The following IQCH variants were observed in gnomAD, a reference collection of about 807,000 sequenced individuals.
IQCH encodes the protein IQ motif containing H.
IQCH carries 98 observed loss-of-function variants against 117.0 expected under a neutral mutation model. That is an observed-to-expected ratio of 0.84 (90% CI 0.71 to 0.99). The LOEUF is 0.99. Ranked by LOEUF, IQCH falls within the 50% of genes least tolerant of loss-of-function variation. IQCH has a pLI of 0.00. For missense variants in IQCH, 1,102 were observed against 1,243.8 expected (o/e 0.89, Z 1.72); for synonymous variants, 412 against 448.2 (o/e 0.92, Z 1.02).
At chr15:67,329,669 A>C (rs1053172469) in intron 4 of IQCH, among the ~76,000 whole-genome samples, 2 of 151,940 alleles carry the variant, frequency 1.3e-5, no homozygotes, top group African/African-American at 4.8e-5. Context: ...GGATCTCACT[A>C]TGTGGCTTAG....
chr15:67,377,124 A>AAAAAAAG (rs1706585416), intron 10 of IQCH, among the ~76,000 whole-genome samples: 1 of 150,202 alleles, frequency 6.7e-6, no homozygotes, highest in East Asian at 1.9e-4. Context: ...TCAAAAAAAA[A>AAAAAAAG]AAAAAAAGAA....
chr15:67,441,048 A>G (rs2082256217), intron 16 of IQCH, among the ~76,000 whole-genome samples: 1 of 148,796 alleles, frequency 6.7e-6, no homozygotes, highest in Non-Finnish European at 1.5e-5. Context: ...TACACAAATC[A>G]GTAGCTCTTC....
intron 6 of IQCH, among the ~76,000 whole-genome samples, chr15:67,348,388 C>G (rs1969504889): frequency 1.3e-5 from 2 of 151,958 alleles, no homozygotes; most frequent in Non-Finnish European, 2.9e-5. Context: ...CACGCACACA[C>G]AAAAGCTACT....
At position 67,496,582 on chromosome 15, in the gene IQCH, C is replaced by A. The variant is rs1169572013; in HGVS notation, c.2970+2216C>A. ...AAAAGGCGCTGGGTGCAGTGGCCCC[C>A]ACCTGTAATCCCAGCACTTTGGGAG... On this transcript the variant is annotated intron_variant, in intron 20 of 20. Coordinates refer to ENST00000335894, the MANE Select transcript of IQCH (RefSeq NM_001031715.3). The surrounding 1 kb of genome is among the most constrained non-coding windows in gnomAD (Gnocchi z 4.4). Among the ~76,000 whole-genome samples, 1 of 151,828 alleles carries A rather than the reference C, an allele frequency of 6.6e-6. No homozygotes were observed. The highest frequency in any genetic ancestry group is 2.4e-5 in the African/African-American group (1 of 41,302).
chr15:67,302,839 A>G (rs1171551267), intron 4 of IQCH, among the ~76,000 whole-genome samples: 1 of 152,238 alleles, frequency 6.6e-6, no homozygotes, highest in Non-Finnish European at 1.5e-5. Context: ...CCTGGGTGAC[A>G]GAGCGAGACT....
At position 67,267,974 on chromosome 15, in the gene IQCH, C is replaced by G. The variant is rs938949596; in HGVS notation, c.269+4758C>G. Among the ~76,000 whole-genome samples the G allele has an allele frequency of 2.0e-5, 3 of 151,936 alleles. No homozygotes were observed. The South Asian group carries it at 6.2e-4, about 32-fold the overall frequency. On this transcript the variant is annotated intron_variant, in intron 3 of 20. Transcript: ENST00000335894. Reference sequence around the variant, plus strand: ...TTGCAAAGGACTTTCTTTAAACTTACGAGGTAAATGTTTACTCTTTCCCTT... The same window carrying G: ...TTGCAAAGGACTTTCTTTAAACTTAGGAGGTAAATGTTTACTCTTTCCCTT...
At chr15:67,480,478 A>G (rs996543749) in intron 18 of IQCH, among the ~76,000 whole-genome samples, 7 of 152,098 alleles carry the variant, frequency 4.6e-5, no homozygotes, top group South Asian at 2.1e-4. Context: ...ACCCATACCA[A>G]CTCATGTGGG....
chr15:67,258,772 A>T (rs75956000), intron 1 of IQCH, among the ~76,000 whole-genome samples: 1 of 152,188 alleles, frequency 6.6e-6, no homozygotes, highest in Non-Finnish European at 1.5e-5. Context: ...TAGAAAATTT[A>T]TGGAAAACAA....
At chr15:67,435,646 G>A (rs2082119470) in intron 16 of IQCH, among the ~76,000 whole-genome samples, 1 of 152,046 alleles carries the variant, frequency 6.6e-6, no homozygotes, top group Non-Finnish European at 1.5e-5. Context: ...GCTGAGGCAG[G>A]TGGATCACTT....
At chr15:67,361,308 C>A (rs182241061) in intron 8 of IQCH, among the ~76,000 whole-genome samples, 14 of 152,276 alleles carry the variant, frequency 9.2e-5, no homozygotes, top group Admixed American at 9.2e-4. Flanking sequence ...TTACTCTTTG[C>A]CAGGCTCTGT....
chr15:67,412,195 G>T (rs1422058637), intron 14 of IQCH, among the ~76,000 whole-genome samples: 1 of 152,194 alleles, frequency 6.6e-6, no homozygotes, highest in Non-Finnish European at 1.5e-5. Context: ...CAAAAGTCAA[G>T]TGTATTTTTT....
chr15:67,427,619 GAGGTAACCT>G lies in IQCH; in HGVS notation c.2505+6044_2505+6052del, dbSNP rs1269421657. ...GAGGAGGTTAGCTTATTTTGCATCTGAGGTAACCTACAGTTCAAAACAGTCTTTATTTCA... is the reference window on the plus strand; with the variant it reads ...GAGGAGGTTAGCTTATTTTGCATCTGACAGTTCAAAACAGTCTTTATTTCA... On this transcript the variant is annotated intron_variant, in intron 16 of 20. Coordinates refer to ENST00000335894, the MANE Select transcript of IQCH (RefSeq NM_001031715.3). The surrounding 1 kb of genome is among the most constrained non-coding windows in gnomAD (Gnocchi z 4.7). Among the ~76,000 whole-genome samples the G allele has an allele frequency of 6.6e-6, 1 of 152,088 alleles. No homozygotes were observed. Among genetic ancestry groups the G allele is most frequent in the African/African-American group, 2.4e-5 (1 of 41,420 alleles).
intron 3 of IQCH, among the ~76,000 whole-genome samples, chr15:67,266,694 C>A (rs988873764): frequency 6.6e-6 from 1 of 152,210 alleles, no homozygotes; most frequent in Non-Finnish European, 1.5e-5. Context: ...ATACTCTATA[C>A]TTAGGTGAGG....
rs918377917 is a variant in IQCH at position 67,426,147 on chromosome 15, G to A, written c.2505+4570G>A. Reference sequence around the variant, plus strand: ...AAGCCCTGTAAGATCTGGGCTCTTAGTGCTGCCATTGCTACTGGAGTGTCA... The same window carrying A: ...AAGCCCTGTAAGATCTGGGCTCTTAATGCTGCCATTGCTACTGGAGTGTCA... On this transcript the variant is annotated intron_variant, in intron 16 of 20. Coordinates refer to ENST00000335894, the MANE Select transcript of IQCH (RefSeq NM_001031715.3). The surrounding 1 kb of genome is among the most constrained non-coding windows in gnomAD (Gnocchi z 5.1). Among the ~76,000 whole-genome samples the A allele has an allele frequency of 6.6e-6, 1 of 152,158 alleles. No homozygotes were observed. The highest frequency in any genetic ancestry group is 2.4e-5 in the African/African-American group (1 of 41,420).
In IQCH at chr15:67,403,433, A is replaced by G. The variant is rs1971752089; in HGVS notation, c.2097+3128A>G. On this transcript the variant is annotated intron_variant, in intron 14 of 20. Transcript: ENST00000335894. This position sits in a 1 kb window ranked among gnomAD's most constrained non-coding sequence, Gnocchi z 4.8. Reference sequence around the variant, plus strand: ...TTTAGGAAAAGCAGAATGTTACATGATGGCCAAAATGAAAACAGAACACAC... The same window carrying G: ...TTTAGGAAAAGCAGAATGTTACATGGTGGCCAAAATGAAAACAGAACACAC... Among the ~76,000 whole-genome samples, 1 of 152,126 alleles carries G rather than the reference A, an allele frequency of 6.6e-6. No individual in the cohort carries two copies. The highest frequency in any genetic ancestry group is 1.5e-5 in the Non-Finnish European group (1 of 68,018).
In IQCH at chr15:67,347,704, A is replaced by G. The variant is rs545904558; in HGVS notation, c.637+3513A>G. ...CTATCATCACCCTGACACCACAACC[A>G]AAGACTTTAGAAAAAAACTACAGCC... On this transcript the variant is annotated intron_variant, in intron 6 of 20. Transcript: ENST00000335894. Among the ~76,000 whole-genome samples the G allele has an allele frequency of 1.4e-3, 214 of 151,172 alleles. 1 individual carries two copies. The highest frequency in any genetic ancestry group is 5.0e-3 in the African/African-American group (207 of 41,392).
chr15:67,436,630 G>A lies in IQCH; in HGVS notation c.2505+15053G>A, dbSNP rs1596372592. On this transcript the variant is annotated intron_variant, in intron 16 of 20. Transcript: ENST00000335894. This position sits in a 1 kb window ranked among gnomAD's most constrained non-coding sequence, Gnocchi z 5.1. ...ACTCCATAGGCAGGGGAAGAACCAA[G>A]CCCTTTTCTTTCTAGCCTGCAACAA... Among the ~76,000 whole-genome samples the A allele has an allele frequency of 1.3e-5, 2 of 152,292 alleles. No homozygotes were observed. The highest frequency in any genetic ancestry group is 4.8e-5 in the African/African-American group (2 of 41,556).
At position 67,400,152 on chromosome 15, in the gene IQCH, G is replaced by T. The variant is rs1411440255; in HGVS notation, c.1944G>T (p.Leu648=). The T allele has an allele frequency of 6.2e-7, 1 of 1,613,822 alleles. No individual in the cohort carries two copies. The highest frequency in any genetic ancestry group is 2.2e-5 in the East Asian group (1 of 44,842). Reference sequence around the variant, plus strand: ...TGAGTCAGCTGATAACTGATCACCTGCAAATACAGCGTTGGCTCTTTAAAA... The same window carrying T: ...TGAGTCAGCTGATAACTGATCACCTTCAAATACAGCGTTGGCTCTTTAAAA... The part of the protein sequence containing the change: ...EQLSQLITDH[L]QIQRWLFKMD... The change falls in exon 14 of 21, where the codon CTG becomes CTT. Residue 648 remains leucine (L), a synonymous_variant. Coordinates refer to ENST00000335894, the MANE Select transcript of IQCH (RefSeq NM_001031715.3).
chr15:67,354,819 C>T (rs1253276338), intron 6 of IQCH, among the ~76,000 whole-genome samples: 1 of 152,046 alleles, frequency 6.6e-6, no homozygotes, highest in Non-Finnish European at 1.5e-5. Flanking sequence ...TCTACTTTAC[C>T]CTCTTTGGTA....
Sources: gnomAD v4.1 joint callset for allele counts (sites outside exome capture counted in the v4.1 genomes callset) on GRCh38, gnomAD v4.1.1 for gene constraint, Gnocchi (gnomAD v3.1) non-coding constraint, MANE v1.5 for transcripts, NCBI Gene and HGNC (gene_info 2026-07-23, HGNC 2026-07-21) for gene names.